Variants in ASIP observed in about 807,000 individuals in gnomAD.
ASIP encodes agouti signaling protein, also known as agouti-signaling protein.
A neutral mutation model predicts 10.3 loss-of-function variants in ASIP; 11 were observed. The ratio of observed to expected loss-of-function variants is 1.07; its 90% CI spans 0.68 to 1.78. ASIP has a LOEUF of 1.78. Among genes scored for constraint, ASIP ranks in the 40% most tolerant of loss-of-function variants. The probability of loss-of-function intolerance (pLI) is 0.00; values close to 1 mark genes in which losing one functional copy is unlikely to be tolerated. For missense variants in ASIP, 180 were observed against 169.2 expected, an observed-to-expected ratio of 1.06 and a Z score of -0.35; for synonymous variants, 70 against 70.8, an observed-to-expected ratio of 0.99 and a Z score of 0.06.
chr20:34,269,171 C>T lies in ASIP; in HGVS notation c.*4C>T, dbSNP rs2035844630. On this transcript the variant is annotated 3_prime_UTR_variant, in exon 4 of 4. Coordinates refer to ENST00000374954, the MANE Select transcript of ASIP (RefSeq NM_001672.3). ...CGTGCTCAGCCTCAACTGCTGAGCG[C>T]CCCCACTCCCGGCCGCGAGCAGGCA... 1.3e-6 allele frequency: 2 copies of T among 1,505,202 alleles called. No individual in the cohort carries two copies. Among genetic ancestry groups the T allele is most frequent in the Admixed American group, 2.2e-5 (1 of 46,504 alleles). 93.2% of individuals were successfully genotyped at this position (1,505,202 alleles called of 1,614,324 possible). A position where few individuals can be genotyped will look rare whatever the true frequency, so the allele number is the denominator to read the frequency against.
intron 1 of ASIP, among the ~76,000 whole-genome samples, chr20:34,201,060 CTTTTTT>C (rs757662623): frequency 1.1e-5 from 1 of 94,038 alleles, no homozygotes; most frequent in African/African-American, 3.7e-5. Flanking sequence ...TTCTTTCTTT[CTTTTTT>C]TTCCTCCAGA....
intron 1 of ASIP, among the ~76,000 whole-genome samples, chr20:34,196,094 C>A (rs901994482): frequency 2.7e-5 from 4 of 149,848 alleles, no homozygotes; most frequent in Admixed American, 2.0e-4. Context: ...CAGTCCGGCA[C>A]GGAGAAATAA....
intron 1 of ASIP, among the ~76,000 whole-genome samples, chr20:34,209,697 C>A (rs1048587803): frequency 3.9e-5 from 6 of 152,176 alleles, no homozygotes. Flanking sequence ...CTGCCTTGGG[C>A]CCCTCTGGAT....
At chr20:34,258,789 A>G (rs1236023047) in intron 1 of ASIP, among the ~76,000 whole-genome samples, 1 of 110,928 alleles carries the variant, frequency 9.0e-6, no homozygotes, top group African/African-American at 3.3e-5. Flanking sequence ...GTATATATAT[A>G]GTGTATATAT....
intron 1 of ASIP, among the ~76,000 whole-genome samples, chr20:34,250,748 C>A (rs1003848183): frequency 6.6e-6 from 1 of 152,100 alleles, no homozygotes; most frequent in Non-Finnish European, 1.5e-5. Context: ...TTTGCCTCTT[C>A]TTCCATTCTC....
chr20:34,225,679 G>A (rs780577965), intron 1 of ASIP, among the ~76,000 whole-genome samples: 2 of 151,960 alleles, frequency 1.3e-5, no homozygotes, highest in African/African-American at 2.4e-5. Context: ...TTCTCTCTCC[G>A]CTGATTCATG....
chr20:34,226,105 G>A lies in ASIP; in HGVS notation c.-11+31345G>A, dbSNP rs565930754. On this transcript the variant is annotated intron_variant, in intron 1 of 3. Coordinates refer to the ASIP transcript ENST00000568305. ...GACGGGGTTTCACCATGTTGGGCAG[G>A]CTATTCTTGAACTCCTGACCTCAGG... Among the ~76,000 whole-genome samples the A allele has an allele frequency of 1.1e-4, 16 of 152,058 alleles. No individual in the cohort carries two copies. The East Asian group carries it at 3.1e-3, about 30-fold the overall frequency.
chr20:34,192,395 G>A (rs1305201830), upstream of ASIP, among the ~76,000 whole-genome samples: 1 of 152,140 alleles, frequency 6.6e-6, no homozygotes, highest in African/African-American at 2.4e-5. Context: ...TGTGATCATA[G>A]CTCACTCCTA....
chr20:34,191,086 C>T (rs2034822063), upstream of ASIP, among the ~76,000 whole-genome samples: 1 of 152,116 alleles, frequency 6.6e-6, no homozygotes, highest in South Asian at 2.1e-4. Context: ...CTTCTTTGAG[C>T]CAGGAAACCT....
At chr20:34,239,699 A>C (rs548042695), upstream of ASIP, among the ~76,000 whole-genome samples, 2 of 152,338 alleles carry the variant, frequency 1.3e-5, no homozygotes, top group East Asian at 3.9e-4. Flanking sequence ...CTAAACTGGA[A>C]TCCAGATCTC....
intron 1 of ASIP, among the ~76,000 whole-genome samples, chr20:34,246,948 GT>G (rs959680980): frequency 2.3e-4 from 34 of 150,598 alleles, no homozygotes; most frequent in African/African-American, 7.8e-4. Flanking sequence ...TATGTTTTTA[GT>G]TTTTTTTGTT....
intron 2 of ASIP, 95 bp downstream of exon 2, chr20:34,260,629 C>T: frequency 1.5e-6 from 2 of 1,329,170 alleles, no homozygotes; most frequent in Non-Finnish European, 2.0e-6. Context: ...CCGCCATGGT[C>T]ACGGCTCCTT....
At chr20:34,268,930 G>C in intron 3 of ASIP, 61 bp from the exon 4 acceptor site, 1 of 1,548,204 alleles carries the variant, frequency 6.5e-7, no homozygotes. Context: ...CTCCCAGGCA[G>C]AGGTGAGGAC....
the ASIP span, among the ~76,000 whole-genome samples, chr20:34,188,250 AG>A: frequency 3.3e-5 from 5 of 152,236 alleles, no homozygotes; most frequent in East Asian, 9.6e-4. Flanking sequence ...TGGCCAGTTT[AG>A]TTTTTTCAGT....
intron 1 of ASIP, among the ~76,000 whole-genome samples, chr20:34,245,583 G>T (rs938778941): frequency 3.3e-5 from 5 of 151,376 alleles, no homozygotes; most frequent in African/African-American, 1.2e-4. Context: ...TAGAGACGGG[G>T]TTTCACCATA....
upstream of ASIP, among the ~76,000 whole-genome samples, chr20:34,194,098 T>C (rs2034840200): frequency 6.6e-6 from 1 of 152,184 alleles, no homozygotes; most frequent in African/African-American, 2.4e-5. Flanking sequence ...AGGAAAACCC[T>C]AAATAAATAT....
At chr20:34,256,377 T>G (rs1487970268) in intron 1 of ASIP, among the ~76,000 whole-genome samples, 1 of 152,190 alleles carries the variant, frequency 6.6e-6, no homozygotes, top group African/African-American at 2.4e-5. Context: ...CTCTTTGTCT[T>G]GTGTCTTTAT....
chr20:34,217,321 C>T (rs1440621136), intron 1 of ASIP, among the ~76,000 whole-genome samples: 1 of 151,388 alleles, frequency 6.6e-6, no homozygotes, highest in Non-Finnish European at 1.5e-5. Context: ...GCCTGTAGTC[C>T]CAGTTACTCC....
intron 1 of ASIP, among the ~76,000 whole-genome samples, chr20:34,244,338 G>A (rs1249532261): frequency 6.6e-6 from 1 of 152,024 alleles, no homozygotes; most frequent in African/African-American, 2.4e-5. Flanking sequence ...CTTGAGCATG[G>A]GTGTACAGTA....
Sources: gnomAD v4.1 joint callset for allele counts (sites outside exome capture counted in the v4.1 genomes callset) on GRCh38, gnomAD v4.1.1 for gene constraint, MANE v1.5 for transcripts, NCBI Gene and HGNC (gene_info 2026-07-23, HGNC 2026-07-21) for gene names.